Variants in NDUFS3 observed in about 807,000 individuals in gnomAD.
NDUFS3 encodes the protein NADH:ubiquinone oxidoreductase core subunit S3, also known as NADH dehydrogenase [ubiquinone] iron-sulfur protein 3, mitochondrial.
In NDUFS3, 19 loss-of-function variants were observed where a neutral mutation model predicts 30.8. The observed-to-expected ratio is 0.62, with a 90% CI of 0.43 to 0.91. The LOEUF (loss-of-function observed/expected upper bound fraction) is 0.91, where lower values mean the gene tolerates loss of function less well. Ranked by LOEUF, NDUFS3 falls within the 40% of genes least tolerant of loss-of-function variation. NDUFS3 has a pLI of 0.00. For missense variants in NDUFS3, 331 were observed against 342.0 expected (o/e 0.97, Z 0.25); for synonymous variants, 153 against 135.8 (o/e 1.13, Z -0.88).
intron 6 of NDUFS3, among the ~76,000 whole-genome samples, 187 bp from the exon 7 acceptor site, chr11:47,584,127 C>G (rs2097270007): frequency 6.6e-6 from 1 of 152,056 alleles, no homozygotes; most frequent in Non-Finnish European, 1.5e-5. Context: ...CACACTCTAG[C>G]TGGTTGGGAT....
Position 47,579,250 on chromosome 11 carries a change from C to T in NDUFS3, c.68-19C>T, listed in dbSNP as rs1479926842. ...CAGGGCTCATCCCGCGCGTCTGTGC[C>T]TTTTATCTCCCTGTGCAGGGACTGG... On this transcript the variant is annotated intron_variant, in intron 1 of 6. Coordinates refer to ENST00000263774, the MANE Select transcript of NDUFS3 (RefSeq NM_004551.3). 1.9e-6 allele frequency: 3 copies of T among 1,614,182 alleles called. No individual in the cohort carries two copies. The highest frequency in any genetic ancestry group is 2.2e-5 in the South Asian group (2 of 91,088).
chr11:47,579,509 A>G, intron 2 of NDUFS3, 175 bp downstream of exon 2: 1 of 717,648 alleles, frequency 1.4e-6, no homozygotes, highest in Admixed American at 2.4e-5. Context: ...TAGGCCTGTT[A>G]TGGCCCTGAT....
chr11:47,582,929 G>A (rs568820713), intron 6 of NDUFS3, among the ~76,000 whole-genome samples: 6 of 152,046 alleles, frequency 3.9e-5, no homozygotes, highest in East Asian at 1.9e-4. Context: ...CCTAGAAGGC[G>A]GAGGTTGCAG....
chr11:47,579,726 A>C (rs2097267043), intron 2 of NDUFS3: 1 of 352,376 alleles, frequency 2.8e-6, no homozygotes, highest in South Asian at 3.1e-5. Flanking sequence ...GGTAGATAGC[A>C]TCTTACTCTT....
At position 47,584,328 on chromosome 11, in the gene NDUFS3, T is replaced by C. The variant is rs762784963; in HGVS notation, c.642T>C (p.Asp214=). 5 of 1,614,062 alleles carry C rather than the reference T, an allele frequency of 3.1e-6. No individual in the cohort carries two copies. In the Admixed American group the frequency reaches 5.0e-5, roughly 16 times the overall value. Residue 214 remains aspartate, a synonymous_variant, in exon 7 of 7, where the codon GAT becomes GAC. Coordinates refer to ENST00000263774, the MANE Select transcript of NDUFS3 (RefSeq NM_004551.3). ...LSGYVELRYD[D]EVKRVVAEPV... The stretch of plus-strand genomic sequence containing the variant: ...TGCTCCTGCAGTTACGTTATGATGA[T>C]GAAGTGAAGCGGGTGGTGGCAGAGC...
chr11:47,582,311 C>T (rs1006695051), intron 5 of NDUFS3, 38 bp from the exon 6 acceptor site: 1 of 1,614,190 alleles, frequency 6.2e-7, no homozygotes, highest in Non-Finnish European at 8.5e-7. Context: ...TGTTGTTAGT[C>T]TTGATGGATT....
chr11:47,581,307 C>A, intron 4 of NDUFS3: 1 of 347,512 alleles, frequency 2.9e-6, no homozygotes. Context: ...GTGCATGCCA[C>A]CACGCCCGGC....
intron 2 of NDUFS3, among the ~76,000 whole-genome samples, chr11:47,580,164 A>G (rs1027595227): frequency 3.3e-5 from 5 of 152,214 alleles, no homozygotes; most frequent in Admixed American, 6.5e-5. Context: ...AAGGAGCTAC[A>G]GAGAGGCAAA....
rs765380548 is a variant in NDUFS3, at chr11:47,584,420, A to G, written c.734A>G (p.Tyr245Cys). ...LNSPWEAFPV[Y>C]RQPPESLKLE... The stretch of plus-strand genomic sequence containing the variant: ...AGCCCCTGGGAGGCTTTCCCAGTCT[A>G]TCGCCAACCCCCGGAGAGTCTCAAG... The change falls in exon 7 of 7, where the codon TAT (tyrosine) becomes TGT (cysteine). Residue 245 changes from tyrosine (Y) to cysteine (C), a missense_variant. By Grantham distance (194) the Tyr-to-Cys change is radical. Coordinates refer to ENST00000263774, the MANE Select transcript of NDUFS3 (RefSeq NM_004551.3). 4.3e-6 allele frequency: 7 copies of G among 1,614,112 alleles called. No individual in the cohort carries two copies. Among genetic ancestry groups the G allele is most frequent in the African/African-American group, 1.3e-5 (1 of 75,004 alleles).
intron 2 of NDUFS3, chr11:47,579,808 A>G: frequency 4.3e-6 from 1 of 234,636 alleles, no homozygotes; most frequent in South Asian, 6.3e-5. Context: ...ATGACAAAGT[A>G]GGCCTGCCTG....
rs752782158 is a variant in NDUFS3 at position 47,582,405 on chromosome 11, G to C, written c.564G>C (p.Leu188=). The change falls in exon 6 of 7, where the codon CTG becomes CTC. Residue 188 remains leucine, a synonymous_variant. Transcript: ENST00000263774. ...FANHPDLRRI[L]TDYGFEGHPF... ...ACCACCCTGATCTAAGAAGGATCCT[G>C]ACAGATTATGGCTTCGAGGGACATC... is the stretch of plus-strand genomic sequence containing the variant. 6.2e-7 allele frequency: 1 copy of C among 1,614,196 alleles called. No individual in the cohort carries two copies. The highest frequency in any genetic ancestry group is 8.5e-7 in the Non-Finnish European group (1 of 1,180,046).
At chr11:47,583,327 C>T (rs1012632186) in intron 6 of NDUFS3, among the ~76,000 whole-genome samples, 11 of 152,088 alleles carry the variant, frequency 7.2e-5, no homozygotes, top group Admixed American at 5.2e-4. Context: ...GCTGGGATTA[C>T]AGGTGTGAGC....
intron 2 of NDUFS3, among the ~76,000 whole-genome samples, chr11:47,580,323 G>A (rs1231363490): frequency 6.6e-6 from 1 of 152,190 alleles, no homozygotes; most frequent in Non-Finnish European, 1.5e-5. Flanking sequence ...GAGTCTTTCT[G>A]AGGACCGTGT....
At chr11:47,583,505 A>G (rs2097269735) in intron 6 of NDUFS3, among the ~76,000 whole-genome samples, 1 of 152,196 alleles carries the variant, frequency 6.6e-6, no homozygotes, top group East Asian at 1.9e-4. Context: ...TTAGCCCTCA[A>G]AAATTACCTC....
intron 2 of NDUFS3, 23 bp downstream of exon 2, chr11:47,579,357 C>T: frequency 6.2e-7 from 1 of 1,612,748 alleles, no homozygotes; most frequent in Non-Finnish European, 8.5e-7. Flanking sequence ...GGGCAGCGCT[C>T]TTCTCTGAAC....
rs2153795389 is a variant in NDUFS3 at position 47,582,175 on chromosome 11, GTC to G, written c.473_474del (p.Ser158CysfsTer9). The G allele has an allele frequency of 6.2e-7, 1 of 1,614,210 alleles. No individual in the cohort carries two copies. The highest frequency in any genetic ancestry group is 8.5e-7 in the Non-Finnish European group (1 of 1,180,030). ...TDELTPIESA[V>X]SVFKAANWYE... The stretch of plus-strand genomic sequence containing the variant: ...TGAGCTGACGCCCATTGAGTCTGCT[GTC>G]TCTGTGTTCAAGGCAGCCAACTGGT... On this transcript the variant is annotated frameshift_variant, in exon 5 of 7. Transcript: ENST00000263774. LOFTEE classifies it high-confidence loss of function.
Position 47,582,468 on chromosome 11 carries a change from G to A in NDUFS3, c.627G>A (p.Glu209=). ...RKDFPLSGYV[E]LRYDDEVKRV... is the part of the protein sequence containing the mutation. ...ACTTTCCTCTATCTGGCTATGTTGA[G>A]GTAGGAGCCTTGGAACTGGGACAGC... Residue 209 remains glutamate (E), a splice_region_variant and synonymous_variant, in exon 6 of 7, where the codon GAG becomes GAA. Transcript: ENST00000263774. 6.2e-7 allele frequency: 1 copy of A among 1,614,162 alleles called. No individual in the cohort carries two copies. Among genetic ancestry groups the A allele is most frequent in the Non-Finnish European group, 8.5e-7 (1 of 1,180,030 alleles).
chr11:47,582,044 A>G (rs555265544), intron 4 of NDUFS3, 44 bp from the exon 5 acceptor site: 3 of 1,610,894 alleles, frequency 1.9e-6, no homozygotes, highest in East Asian at 4.5e-5. Flanking sequence ...TCTCCCAATC[A>G]GGGACTCCCA....
chr11:47,582,580 A>G, intron 6 of NDUFS3, 112 bp downstream of exon 6: 2 of 1,541,858 alleles, frequency 1.3e-6, no homozygotes, highest in Non-Finnish European at 1.8e-6. Flanking sequence ...GTTTAAGAGC[A>G]TGGGCCCTGG....
Sources: allele counts gnomAD v4.1 joint callset (sites outside exome capture counted in the v4.1 genomes callset), GRCh38; gene constraint gnomAD v4.1.1; transcripts MANE v1.5; gene names NCBI Gene and HGNC (gene_info 2026-07-23, HGNC 2026-07-21).